The following NEK11 variants were observed in gnomAD, a reference collection of about 807,000 sequenced individuals.
The protein encoded by NEK11 is serine/threonine-protein kinase Nek11.
In NEK11, 72 loss-of-function variants were observed where a neutral mutation model predicts 80.7. That is an observed-to-expected ratio of 0.89 (90% confidence interval 0.74 to 1.08). The LOEUF is 1.08. Ranked by LOEUF, NEK11 falls within the 50% of genes least tolerant of loss-of-function variation. The pLI, the probability that NEK11 is intolerant of heterozygous loss-of-function variation, is 0.00. For missense variants in NEK11, 764 were observed against 763.6 expected (o/e 1.00, Z -0.01); for synonymous variants, 251 against 260.7 (o/e 0.96, Z 0.36).
At position 131,349,728 on chromosome 3, in the gene NEK11, G is replaced by A. The variant is rs1193435571; in HGVS notation, c.1890G>A (p.Gln630=). The change falls in exon 18 of 18, where the codon CAG becomes CAA. Residue 630 remains glutamine, a synonymous_variant. Transcript: ENST00000383366. ...EVDQLLYFEE[Q]LLITMGKEPT... ...ACCAGCTCCTGTACTTTGAAGAGCAGTTGCTGATCACGATGGGAAAAGAAC... is the reference window on the plus strand; with the variant it reads ...ACCAGCTCCTGTACTTTGAAGAGCAATTGCTGATCACGATGGGAAAAGAAC... 6.2e-7 allele frequency: 1 copy of A among 1,614,202 alleles called. No homozygotes were observed. Among genetic ancestry groups the A allele is most frequent in the East Asian group, 2.2e-5 (1 of 44,882 alleles).
chr3:131,055,411 T>C (rs1237131448), intron 3 of NEK11, among the ~76,000 whole-genome samples: 3 of 151,990 alleles, frequency 2.0e-5, no homozygotes, highest in African/African-American at 7.3e-5. Flanking sequence ...TACAAATATA[T>C]AATATACTAA....
At chr3:131,138,775 C>T (rs1157668920) in intron 7 of NEK11, among the ~76,000 whole-genome samples, 1 of 152,156 alleles carries the variant, frequency 6.6e-6, no homozygotes, top group Non-Finnish European at 1.5e-5. Flanking sequence ...TATCTAAGAC[C>T]ACCAAGGTGG....
chr3:131,337,843 G>C (rs1486997783), intron 17 of NEK11, among the ~76,000 whole-genome samples: 1 of 152,110 alleles, frequency 6.6e-6, no homozygotes, highest in Non-Finnish European at 1.5e-5. Context: ...TAACATCTGT[G>C]CCTCAGTTTC....
intron 14 of NEK11, among the ~76,000 whole-genome samples, chr3:131,210,185 C>G (rs2150508552): frequency 6.6e-6 from 1 of 152,270 alleles, no homozygotes; most frequent in East Asian, 1.9e-4. Context: ...TATGTTGTGT[C>G]TTTGTTCTCA....
At chr3:131,101,627 AG>A (rs1184827049) in intron 4 of NEK11, among the ~76,000 whole-genome samples, 1 of 152,188 alleles carries the variant, frequency 6.6e-6, no homozygotes, top group African/African-American at 2.4e-5. Flanking sequence ...GAATTTATTG[AG>A]ACTTGCTTTA....
intron 14 of NEK11, among the ~76,000 whole-genome samples, chr3:131,173,006 GA>G (rs1352533090): frequency 1.3e-5 from 2 of 152,164 alleles, no homozygotes; most frequent in African/African-American, 4.8e-5. Flanking sequence ...GATGACATGG[GA>G]AGTTACCTTA....
chr3:131,144,581 T>C (rs928954896), intron 7 of NEK11, among the ~76,000 whole-genome samples: 3 of 152,204 alleles, frequency 2.0e-5, no homozygotes, highest in African/African-American at 7.2e-5. Flanking sequence ...CTACCGTATG[T>C]ATTTAACAAA....
intron 10 of NEK11, among the ~76,000 whole-genome samples, chr3:131,161,400 T>A (rs1371296510): frequency 6.6e-6 from 1 of 152,146 alleles, no homozygotes; most frequent in East Asian, 1.9e-4. Flanking sequence ...CATTGCAGCA[T>A]TGTTCACAAT....
intron 14 of NEK11, among the ~76,000 whole-genome samples, chr3:131,223,908 A>G (rs1471439452): frequency 1.3e-5 from 2 of 152,164 alleles, no homozygotes; most frequent in Non-Finnish European, 2.9e-5. Context: ...ATTTTGAGAA[A>G]TTATTCTATT....
chr3:131,289,129 G>A (rs2096515403), intron 17 of NEK11, among the ~76,000 whole-genome samples: 1 of 152,178 alleles, frequency 6.6e-6, no homozygotes, highest in Non-Finnish European at 1.5e-5. Context: ...GTGCCAGCAG[G>A]TTTGGTTTCT....
intron 3 of NEK11, among the ~76,000 whole-genome samples, chr3:131,038,084 C>T (rs553485710): frequency 6.6e-6 from 1 of 151,542 alleles, no homozygotes; most frequent in Non-Finnish European, 1.5e-5. Flanking sequence ...AAAAAAAAAT[C>T]TTCCTGCTTA....
chr3:131,204,700 C>A (rs540734054), intron 14 of NEK11, among the ~76,000 whole-genome samples: 1 of 151,584 alleles, frequency 6.6e-6, no homozygotes, highest in East Asian at 1.9e-4. Flanking sequence ...TACTACAATG[C>A]AAATGTACAA....
intron 14 of NEK11, among the ~76,000 whole-genome samples, chr3:131,181,154 T>C (rs958082302): frequency 6.6e-6 from 1 of 152,152 alleles, no homozygotes; most frequent in African/African-American, 2.4e-5. Flanking sequence ...ATAGGGAGAT[T>C]ATTCTGATTA....
chr3:131,242,889 C>T (rs1040438979), intron 15 of NEK11, among the ~76,000 whole-genome samples: 2 of 152,034 alleles, frequency 1.3e-5, no homozygotes, highest in East Asian at 1.9e-4. Context: ...TTTCCCCAAC[C>T]GTTATGGGGG....
chr3:131,186,070 T>A (rs1232286818), intron 14 of NEK11, among the ~76,000 whole-genome samples: 1 of 152,162 alleles, frequency 6.6e-6, no homozygotes, highest in Non-Finnish European at 1.5e-5. Context: ...TACACAGCAA[T>A]TTTTTACTAA....
chr3:131,258,743 T>A (rs531138715), intron 16 of NEK11, among the ~76,000 whole-genome samples: 25 of 152,354 alleles, frequency 1.6e-4, no homozygotes, highest in African/African-American at 5.8e-4. Context: ...CAGGTGAATA[T>A]TTGCAGTGTG....
chr3:131,278,856 A>G (rs991832263), intron 17 of NEK11, among the ~76,000 whole-genome samples: 2 of 152,144 alleles, frequency 1.3e-5, no homozygotes, highest in Non-Finnish European at 2.9e-5. Flanking sequence ...GACCTGCACC[A>G]GGGACATCAT....
chr3:131,100,224 G>A lies in NEK11; in HGVS notation c.337-9579G>A, dbSNP rs1053299823. Among the ~76,000 whole-genome samples the A allele has an allele frequency of 9.9e-5, 15 of 152,138 alleles. No individual in the cohort carries two copies. In the East Asian group the frequency reaches 1.2e-3, roughly 12 times the overall value. On this transcript the variant is annotated intron_variant, in intron 4 of 17. Coordinates refer to ENST00000383366, the MANE Select transcript of NEK11 (RefSeq NM_024800.5). The stretch of plus-strand genomic sequence containing the variant: ...TTATTAAGATGATCATATGGTTTTC[G>A]CTTTTAATTTTGTTTATGTGGTGGG...
Position 131,170,873 on chromosome 3 carries a change from A to G in NEK11, c.1385A>G (p.Asp462Gly). 1.2e-6 allele frequency: 2 copies of G among 1,610,886 alleles called. No individual in the cohort carries two copies. Among genetic ancestry groups the G allele is most frequent in the Non-Finnish European group, 1.7e-6 (2 of 1,177,094 alleles). The change falls in exon 14 of 18, where the codon GAC becomes GGC. Residue 462 changes from aspartate (D) to glycine (G), a missense_variant. Coordinates refer to ENST00000383366, the MANE Select transcript of NEK11 (RefSeq NM_024800.5). ...LESIVEDATS[D>G]LGYHEIPEDP... ...TCAATTGTAGAGGATGCCACATCTG[A>G]CCTTGGATACCATGGTATGTGTTTG...
Sources: allele counts gnomAD v4.1 joint callset (sites outside exome capture counted in the v4.1 genomes callset), GRCh38; gene constraint gnomAD v4.1.1; transcripts MANE v1.5; gene names NCBI Gene and HGNC (gene_info 2026-07-23, HGNC 2026-07-21).